Variants in NCKAP1L observed in about 807,000 individuals in gnomAD.
The protein encoded by NCKAP1L is NCK associated protein 1 like.
NCKAP1L carries 53 observed loss-of-function variants against 139.2 expected under a neutral mutation model. That is an observed-to-expected ratio of 0.38 (90% CI 0.31 to 0.48). The LOEUF is 0.48. Ranked by LOEUF, NCKAP1L falls within the 20% of genes least tolerant of loss-of-function variation. The pLI is 0.98. For synonymous variants in NCKAP1L, 468 were observed against 499.7 expected (o/e 0.94, Z 0.85); for missense variants, 1,151 against 1,381.9 (o/e 0.83, Z 2.65).
In NCKAP1L at chr12:54,536,123, C is replaced by T; in HGVS notation, c.2957-6C>T. The T allele has an allele frequency of 6.2e-7, 1 of 1,601,432 alleles. No homozygotes were observed. On this transcript the variant is annotated splice_region_variant and splice_polypyrimidine_tract_variant and intron_variant, in intron 27 of 30. Transcript: ENST00000293373. ...TTTTCCTCTTTTCCTTTTTCCCTCT[C>T]ACCAGATACTTCATCTCCTGAGGAG... is the stretch of plus-strand genomic sequence containing the variant.
rs552209073 is a variant in NCKAP1L, at chr12:54,506,518, C to T, written c.307-1335C>T. ...CTCAGCTTACTGCAACCTCTGCCTC[C>T]CAGGCTCAAACAATTCTCGTGCCTC... On this transcript the variant is annotated intron_variant, in intron 3 of 30. Transcript: ENST00000293373. 8.7e-4 allele frequency among the ~76,000 whole-genome samples: 132 copies of T among 151,738 alleles called. 1 individual carries two copies. Among genetic ancestry groups the T allele is most frequent in the African/African-American group, 2.9e-3 (119 of 41,454 alleles).
At chr12:54,507,466 A>G (rs1956852163) in intron 3 of NCKAP1L, among the ~76,000 whole-genome samples, 1 of 152,240 alleles carries the variant, frequency 6.6e-6, no homozygotes, top group South Asian at 2.1e-4. Flanking sequence ...AGGAGATAGA[A>G]TCCAGGAACA....
rs891396365 is a variant in NCKAP1L at position 54,509,539 on chromosome 12, G to A, written c.507-130G>A. On this transcript the variant is annotated intron_variant, in intron 5 of 30. Coordinates refer to ENST00000293373, the MANE Select transcript of NCKAP1L (RefSeq NM_005337.5). ...GGTATCTTTATATGTAATTTACAGTGTAGTATGTATATCTTTGGAGGTGGT... is the reference window on the plus strand; with the variant it reads ...GGTATCTTTATATGTAATTTACAGTATAGTATGTATATCTTTGGAGGTGGT... The A allele has an allele frequency of 2.0e-5, 14 of 683,476 alleles. 1 individual carries two copies. The South Asian group carries it at 2.4e-4, about 12-fold the overall frequency. The allele number at this position is 683,476 out of a possible 1,614,324, so 42.3% of individuals were successfully genotyped here.
chr12:54,540,193 C>G (rs1592355106), intron 30 of NCKAP1L, among the ~76,000 whole-genome samples: 1 of 152,220 alleles, frequency 6.6e-6, no homozygotes, highest in Non-Finnish European at 1.5e-5. Context: ...GGACCTCCAT[C>G]TGTATTCTTG....
At chr12:54,530,235 CTTG>C (rs1957057107) in intron 22 of NCKAP1L, among the ~76,000 whole-genome samples, 1 of 152,254 alleles carries the variant, frequency 6.6e-6, no homozygotes, top group African/African-American at 2.4e-5. Flanking sequence ...CTACTGGTCT[CTTG>C]TTGTTGTTAC....
chr12:54,522,732 A>AG (rs1326613573), intron 18 of NCKAP1L, among the ~76,000 whole-genome samples: 1 of 152,214 alleles, frequency 6.6e-6, no homozygotes, highest in Non-Finnish European at 1.5e-5. Context: ...AGGAGCTTCC[A>AG]GACATGCCCT....
chr12:54,514,535 C>T (rs1277612164), intron 9 of NCKAP1L, among the ~76,000 whole-genome samples: 2 of 152,102 alleles, frequency 1.3e-5, no homozygotes, highest in Non-Finnish European at 1.5e-5. Flanking sequence ...GTTGGCCAGG[C>T]TGGTCGCAAA....
intron 22 of NCKAP1L, 27 bp from the exon 23 acceptor site, chr12:54,531,233 T>C (rs752666063): frequency 8.9e-6 from 14 of 1,578,864 alleles, no homozygotes; most frequent in South Asian, 3.3e-5. Flanking sequence ...CTGAGTCCCA[T>C]CTGGGGCCTC....
chr12:54,499,115 G>A (rs564498047), intron 1 of NCKAP1L, among the ~76,000 whole-genome samples: 4 of 151,950 alleles, frequency 2.6e-5, no homozygotes, highest in East Asian at 1.9e-4. Flanking sequence ...TAGTAGAGAC[G>A]GGGTTTCACC....
chr12:54,542,757 C>G lies in NCKAP1L; in HGVS notation c.*72C>G. ...CTTGCCATAGTGGAAGCTGTGGTCA[C>G]TTTCGCAGGGGGTGGGAATGGGGTG... is the stretch of plus-strand genomic sequence containing the variant. On this transcript the variant is annotated 3_prime_UTR_variant, in exon 31 of 31. Transcript: ENST00000293373. 5.0e-6 allele frequency: 3 copies of G among 598,876 alleles called. No homozygotes were observed. Among genetic ancestry groups the G allele is most frequent in the East Asian group, 4.7e-5 (1 of 21,372 alleles). The allele number at this position is 598,876 out of a possible 1,614,324, so 37.1% of individuals were successfully genotyped here.
At position 54,516,918 on chromosome 12, in the gene NCKAP1L, C is replaced by T. The variant is rs1218763304; in HGVS notation, c.1021C>T (p.Arg341Trp). 9.3e-6 allele frequency: 15 copies of T among 1,612,188 alleles called. No homozygotes were observed. The highest frequency in any genetic ancestry group is 1.7e-5 in the Admixed American group (1 of 59,928). Residue 341 changes from arginine to tryptophan, a missense_variant, in exon 11 of 31, where the codon CGG (arginine) becomes TGG (tryptophan). Coordinates refer to ENST00000293373, the MANE Select transcript of NCKAP1L (RefSeq NM_005337.5). ...ANSGQFHCQR[R>W]QFLRMAVKEL... Reference sequence around the variant, plus strand: ...TAGTGGCCAGTTTCATTGTCAACGGCGGCAATTTCTGCGGATGGCAGTGAA... The same window carrying T: ...TAGTGGCCAGTTTCATTGTCAACGGTGGCAATTTCTGCGGATGGCAGTGAA...
intron 9 of NCKAP1L, among the ~76,000 whole-genome samples, chr12:54,513,091 T>A (rs1956901414): frequency 6.6e-6 from 1 of 152,044 alleles, no homozygotes; most frequent in Admixed American, 6.6e-5. Flanking sequence ...GACAGGGGAG[T>A]GACATGATCA....
chr12:54,520,865 T>C lies in NCKAP1L; in HGVS notation c.1758+39T>C, dbSNP rs202101464. 11 of 1,613,144 alleles carry C rather than the reference T, an allele frequency of 6.8e-6. No homozygotes were observed. In the East Asian group the frequency reaches 2.5e-4, roughly 36 times the overall value. On this transcript the variant is annotated intron_variant, in intron 17 of 30. Transcript: ENST00000293373. ...TCTCCAGACCCTGTCATCTTTCTAG[T>C]CATCATCCTTATCACCCAAAACACA... is the stretch of plus-strand genomic sequence containing the variant.
rs373256020 is a variant in NCKAP1L at position 54,519,182 on chromosome 12, C to T, written c.1480-5C>T. On this transcript the variant is annotated splice_polypyrimidine_tract_variant and splice_region_variant and intron_variant, in intron 15 of 30. Transcript: ENST00000293373. ...TTCTCCACACTTTCCCAACTCCAAC[C>T]GCAGGCATACACTAGCGTGGCTAAG... 1.2e-5 allele frequency: 19 copies of T among 1,556,074 alleles called. No homozygotes were observed. Among genetic ancestry groups the T allele is most frequent in the Admixed American group, 1.1e-4 (5 of 46,906 alleles).
At chr12:54,539,150 TC>T (rs1483708043) in intron 30 of NCKAP1L, among the ~76,000 whole-genome samples, 177 bp downstream of exon 30, 2 of 152,346 alleles carry the variant, frequency 1.3e-5, no homozygotes, top group Admixed American at 1.3e-4. Flanking sequence ...TCTAAACTTG[TC>T]CTATAATCCC....
At chr12:54,524,625 T>A (rs1957012919) in intron 20 of NCKAP1L, among the ~76,000 whole-genome samples, 1 of 152,200 alleles carries the variant, frequency 6.6e-6, no homozygotes, top group African/African-American at 2.4e-5. Flanking sequence ...CAAATGTTTA[T>A]TGAACACCTG....
intron 21 of NCKAP1L, among the ~76,000 whole-genome samples, chr12:54,527,758 T>C (rs956767471): frequency 6.6e-6 from 1 of 152,188 alleles, no homozygotes; most frequent in Admixed American, 6.5e-5. Context: ...TCTACCCACA[T>C]TGGCTGTAGC....
At chr12:54,533,309 G>A (rs1957087822) in intron 26 of NCKAP1L, among the ~76,000 whole-genome samples, 1 of 152,208 alleles carries the variant, frequency 6.6e-6, no homozygotes, top group Non-Finnish European at 1.5e-5. Flanking sequence ...GGGGCAGAGA[G>A]GGAGGATGGC....
chr12:54,536,471 C>A, intron 28 of NCKAP1L: 1 of 416,644 alleles, frequency 2.4e-6, no homozygotes, highest in Non-Finnish European at 4.4e-6. Flanking sequence ...TCCAGACCAG[C>A]CTAGGCAACG....
Sources: allele counts gnomAD v4.1 joint callset (sites outside exome capture counted in the v4.1 genomes callset), GRCh38; gene constraint gnomAD v4.1.1; transcripts MANE v1.5; gene names NCBI Gene and HGNC (gene_info 2026-07-23, HGNC 2026-07-21).